ZNF385D: variants seen among roughly 807,000 people sequenced by gnomAD.
The protein encoded by ZNF385D is zinc finger protein 659.
In ZNF385D, 15 loss-of-function variants were observed where a neutral mutation model predicts 35.8. The ratio of observed to expected loss-of-function variants is 0.42; its 90% confidence interval spans 0.28 to 0.64. The LOEUF is 0.64. Among genes scored for constraint, ZNF385D ranks in the 30% least tolerant of loss-of-function variants. The pLI is 0.23. For synonymous variants in ZNF385D, 212 were observed against 186.8 expected (o/e 1.13, Z -1.10); for missense variants, 474 against 494.6 (o/e 0.96, Z 0.39).
At chr3:21,979,920 G>T (rs1367621239) in intron 3 of ZNF385D, 1 of 152,144 alleles carries the variant, frequency 6.6e-6, no homozygotes, top group Non-Finnish European at 1.5e-5. Flanking sequence ...CTCTTCAAAA[G>T]GTGTAACCTA....
intron 3 of ZNF385D, among the ~76,000 whole-genome samples, chr3:21,867,751 A>G (rs989270308): frequency 6.6e-6 from 1 of 152,100 alleles, no homozygotes; most frequent in African/African-American, 2.4e-5. Context: ...GTAAAAAAAA[A>G]AAAAACCTCA....
intron 4 of ZNF385D, among the ~76,000 whole-genome samples, chr3:21,506,745 A>G (rs1207299723): frequency 6.6e-6 from 1 of 152,170 alleles, no homozygotes; most frequent in Non-Finnish European, 1.5e-5. Context: ...TGCTCAATAT[A>G]TTTTTTAAAA....
intron 3 of ZNF385D, among the ~76,000 whole-genome samples, chr3:21,904,185 T>A (rs866769849): frequency 1.3e-5 from 2 of 150,146 alleles, no homozygotes; most frequent in East Asian, 2.0e-4. Context: ...GTACCTGTAA[T>A]CCCAGCTACT....
At chr3:21,559,038 C>A (rs1047968194) in intron 3 of ZNF385D, among the ~76,000 whole-genome samples, 7 of 141,716 alleles carry the variant, frequency 4.9e-5, no homozygotes, top group Non-Finnish European at 7.5e-5. Flanking sequence ...ATTCCTCCTA[C>A]CCTTTATTTT....
intron 2 of ZNF385D, among the ~76,000 whole-genome samples, chr3:22,199,649 T>C (rs890214959): frequency 7.9e-5 from 12 of 152,154 alleles, no homozygotes; most frequent in African/African-American, 2.4e-4. Context: ...AGATTTCTTA[T>C]CGTTAGCCTC....
chr3:22,350,569 G>T (rs1171427157), intron 2 of ZNF385D, among the ~76,000 whole-genome samples: 3 of 152,052 alleles, frequency 2.0e-5, no homozygotes, highest in Admixed American at 6.6e-5. Flanking sequence ...ATTAATATTT[G>T]TTGAAGACAC....
chr3:21,979,546 A>C (rs967476958), intron 3 of ZNF385D: 1 of 152,200 alleles, frequency 6.6e-6, no homozygotes, highest in Non-Finnish European at 1.5e-5. Context: ...TTACAGTTTC[A>C]TATAAATAGA....
intron 3 of ZNF385D, among the ~76,000 whole-genome samples, chr3:22,160,465 G>A (rs1177280597): frequency 4.0e-5 from 6 of 151,888 alleles, no homozygotes; most frequent in Admixed American, 3.3e-4. Flanking sequence ...AATCTATGAA[G>A]CTATTTTATT....
intron 3 of ZNF385D, among the ~76,000 whole-genome samples, chr3:22,157,939 C>A (rs1424598928): frequency 6.6e-6 from 1 of 152,088 alleles, no homozygotes; most frequent in Non-Finnish European, 1.5e-5. Flanking sequence ...TCTAGATGTC[C>A]TTTACAAAAG....
rs188713867 is a variant in ZNF385D, at chr3:22,365,302, C to A, written c.106+7148G>T. Reference sequence around the variant, plus strand: ...TAAAGTATGAATAAGTAAACATTGTCTATTCACTGAGGGCGAAATATCAAC... The same window carrying A: ...TAAAGTATGAATAAGTAAACATTGTATATTCACTGAGGGCGAAATATCAAC... On this transcript the variant is annotated intron_variant, in intron 2 of 5. Coordinates refer to the ZNF385D transcript ENST00000494108. 3.3e-5 allele frequency among the ~76,000 whole-genome samples: 5 copies of A among 151,772 alleles called. No individual in the cohort carries two copies. In the East Asian group the frequency reaches 9.7e-4, roughly 29 times the overall value.
At chr3:21,505,841 A>T (rs990290057) in intron 4 of ZNF385D, among the ~76,000 whole-genome samples, 1 of 152,158 alleles carries the variant, frequency 6.6e-6, no homozygotes, top group African/African-American at 2.4e-5. Flanking sequence ...TTTCCTTAGT[A>T]TGCATGCATA....
chr3:22,168,822 T>A (rs1706504566), exon 3 of ZNF385D: 1 of 985,850 alleles, frequency 1.0e-6, no homozygotes, highest in Middle Eastern at 5.2e-4. Context: ...CTTACCATTG[T>A]CATTTTTCAG....
At chr3:22,125,000 C>T (rs915461722) in intron 3 of ZNF385D, among the ~76,000 whole-genome samples, 2 of 152,080 alleles carry the variant, frequency 1.3e-5, no homozygotes, top group South Asian at 4.1e-4. Flanking sequence ...CCCAGACCAA[C>T]ATCCTGGAAA....
chr3:21,456,178 T>C (rs1038644067), intron 4 of ZNF385D, among the ~76,000 whole-genome samples: 1 of 152,116 alleles, frequency 6.6e-6, no homozygotes, highest in African/African-American at 2.4e-5. Flanking sequence ...GACAGTGTGG[T>C]GATTCCTCAA....
intron 1 of ZNF385D, among the ~76,000 whole-genome samples, chr3:21,721,252 T>C (rs1489448581): frequency 6.6e-6 from 1 of 152,092 alleles, no homozygotes; most frequent in East Asian, 1.9e-4. Flanking sequence ...AACCAGTCAG[T>C]CCATTTAAGA....
intron 4 of ZNF385D, among the ~76,000 whole-genome samples, chr3:21,492,241 A>G (rs1417660248): frequency 6.6e-6 from 1 of 152,136 alleles, no homozygotes; most frequent in East Asian, 1.9e-4. Flanking sequence ...TTAAGTAATG[A>G]CAAATATTCT....
intron 2 of ZNF385D, among the ~76,000 whole-genome samples, chr3:22,200,048 G>A (rs1197162481): frequency 6.6e-6 from 1 of 152,028 alleles, no homozygotes; most frequent in African/African-American, 2.4e-5. Flanking sequence ...TGTCAGCACA[G>A]AAAGGTTAAG....
intron 2 of ZNF385D, among the ~76,000 whole-genome samples, chr3:22,328,902 C>T (rs1197182263): frequency 1.3e-5 from 2 of 151,616 alleles, no homozygotes; most frequent in Non-Finnish European, 2.9e-5. Context: ...GGTGAAACCC[C>T]GTCTCTACTA....
At chr3:21,749,705 A>T (rs377709844) in intron 1 of ZNF385D, among the ~76,000 whole-genome samples, 10 of 152,224 alleles carry the variant, frequency 6.6e-5, no homozygotes, top group East Asian at 5.8e-4. Context: ...AATATGATAC[A>T]AATTATAGGC....
Sources: allele counts gnomAD v4.1 joint callset (sites outside exome capture counted in the v4.1 genomes callset), GRCh38; gene constraint gnomAD v4.1.1; transcripts MANE v1.5; gene names NCBI Gene and HGNC (gene_info 2026-07-23, HGNC 2026-07-21).